Variants in PIK3C2G observed in about 807,000 individuals in gnomAD.
The protein encoded by PIK3C2G is phosphatidylinositol 3-kinase C2 domain-containing subunit gamma.
A neutral mutation model predicts 181.1 loss-of-function variants in PIK3C2G; 168 were observed. The ratio of observed to expected loss-of-function variants is 0.93; its 90% CI spans 0.82 to 1.05. The LOEUF is 1.05. PIK3C2G is among the 50% of genes least tolerant of loss of function. The probability of loss-of-function intolerance (pLI) is 0.00; values close to 1 mark genes in which losing one functional copy is unlikely to be tolerated. For missense variants in PIK3C2G, 1,869 were observed against 1,732.8 expected, an observed-to-expected ratio of 1.08 and a Z score of -1.40; for synonymous variants, 573 against 592.2, an observed-to-expected ratio of 0.97 and a Z score of 0.47.
downstream of PIK3C2G, among the ~76,000 whole-genome samples, chr12:18,650,737 T>G (rs1950469112): frequency 6.2e-5 from 2 of 32,376 alleles, no homozygotes; most frequent in Admixed American, 4.1e-4. Flanking sequence ...TATATATATA[T>G]ATATATATAT....
At chr12:18,632,091 A>G (rs1405368804) in intron 31 of PIK3C2G, among the ~76,000 whole-genome samples, 1 of 152,058 alleles carries the variant, frequency 6.6e-6, no homozygotes, top group Non-Finnish European at 1.5e-5. Flanking sequence ...CACTGTGAAA[A>G]TATCCTATGG....
intron 5 of PIK3C2G, among the ~76,000 whole-genome samples, chr12:18,300,562 C>T (rs1050984502): frequency 2.6e-5 from 4 of 151,978 alleles, no homozygotes; most frequent in African/African-American, 9.7e-5. Context: ...TTTTTAAAAT[C>T]CATTCAACCA....
chr12:18,602,224 T>C (rs1947763956), intron 30 of PIK3C2G, among the ~76,000 whole-genome samples: 1 of 152,084 alleles, frequency 6.6e-6, no homozygotes, highest in African/African-American at 2.4e-5. Flanking sequence ...CCATTCAGTT[T>C]GTGTGGGAGC....
chr12:18,355,124 C>G (rs1390627645), intron 11 of PIK3C2G, among the ~76,000 whole-genome samples: 1 of 152,212 alleles, frequency 6.6e-6, no homozygotes, highest in African/African-American at 2.4e-5. Context: ...AATTGTCCTG[C>G]CCATTTACAT....
At chr12:18,693,217 G>A in the PIK3C2G span, 464 of 1,571,866 alleles carry the variant, frequency 3.0e-4, no homozygotes, top group Non-Finnish European at 3.6e-4. Context: ...CTGGAACCTG[G>A]CTGCTCGGTC....
chr12:18,483,727 T>TCAAACAAA (rs956919701), intron 18 of PIK3C2G, among the ~76,000 whole-genome samples: 1 of 151,392 alleles, frequency 6.6e-6, no homozygotes, highest in Non-Finnish European at 1.5e-5. Flanking sequence ...TAAAGGCAAC[T>TCAAACAAA]CAAACAAACA....
At chr12:18,287,065 T>A in intron 3 of PIK3C2G, 136 bp downstream of exon 3, 1 of 420,872 alleles carries the variant, frequency 2.4e-6, no homozygotes, top group East Asian at 3.6e-5. Flanking sequence ...AAAAATAAAA[T>A]TTTTTGACAA....
At chr12:18,350,611 T>C (rs996216266) in intron 11 of PIK3C2G, among the ~76,000 whole-genome samples, 5 of 152,156 alleles carry the variant, frequency 3.3e-5, no homozygotes, top group African/African-American at 1.2e-4. Flanking sequence ...CTTCCATTCA[T>C]GTCACTAAAG....
intron 31 of PIK3C2G, among the ~76,000 whole-genome samples, chr12:18,623,339 T>A (rs2136678083): frequency 6.6e-6 from 1 of 151,836 alleles, no homozygotes; most frequent in East Asian, 1.9e-4. Context: ...CTCTTGTTGA[T>A]CAATTGACTG....
At chr12:18,723,272 A>C in the PIK3C2G span, 1 of 1,526,942 alleles carries the variant, frequency 6.5e-7, no homozygotes, top group Non-Finnish European at 9.0e-7. Context: ...AATACTTCAC[A>C]TATAAATATT....
chr12:18,662,629 T>C, the PIK3C2G span, among the ~76,000 whole-genome samples: 1 of 152,148 alleles, frequency 6.6e-6, no homozygotes, highest in South Asian at 2.1e-4. Flanking sequence ...ATTTAAGATA[T>C]TAATGCATTA....
rs559922142 is a variant in PIK3C2G at position 18,416,319 on chromosome 12, C to A, written c.2316-4622C>A. On this transcript the variant is annotated intron_variant, in intron 16 of 32. Transcript: ENST00000538779. ...GCCGTATTTGTAACCTAAAGGTGAA[C>A]CAGAAAGTGCTGATGTAGAAGCTGC... is the stretch of plus-strand genomic sequence containing the variant. 2.2e-4 allele frequency among the ~76,000 whole-genome samples: 33 copies of A among 152,202 alleles called. No homozygotes were observed. In the South Asian group the frequency reaches 6.9e-3, roughly 32 times the overall value.
At chr12:18,436,631 T>C (rs1184436985) in intron 18 of PIK3C2G, among the ~76,000 whole-genome samples, 2 of 151,984 alleles carry the variant, frequency 1.3e-5, no homozygotes, top group East Asian at 1.9e-4. Context: ...ACCACATACA[T>C]GTGTATTGCC....
chr12:18,245,895 G>C (rs1948034836), upstream of PIK3C2G, among the ~76,000 whole-genome samples: 1 of 152,016 alleles, frequency 6.6e-6, no homozygotes, highest in South Asian at 2.1e-4. Context: ...GGACTACCTA[G>C]AGCAATGTTA....
the PIK3C2G span, chr12:18,692,937 C>T: frequency 1.3e-6 from 2 of 1,536,094 alleles, no homozygotes; most frequent in Non-Finnish European, 1.8e-6. Context: ...ACTGGTGACA[C>T]CTCACACTCA....
At chr12:18,568,732 A>AGGG (rs1287465030) in intron 29 of PIK3C2G, among the ~76,000 whole-genome samples, 2 of 152,208 alleles carry the variant, frequency 1.3e-5, no homozygotes, top group Non-Finnish European at 2.9e-5. Context: ...GACCAAATAC[A>AGGG]GGGGCACTGT....
At chr12:18,346,934 C>A in intron 11 of PIK3C2G, 98 bp downstream of exon 11, 1 of 709,974 alleles carries the variant, frequency 1.4e-6, no homozygotes, top group Non-Finnish European at 2.1e-6. Context: ...GCAAAGATTT[C>A]ATAAAATTTT....
the PIK3C2G span, among the ~76,000 whole-genome samples, chr12:18,653,655 G>C: frequency 5.9e-5 from 9 of 152,098 alleles, no homozygotes; most frequent in African/African-American, 1.4e-4. Flanking sequence ...ACGAATTCAA[G>C]TGGTATGTTT....
chr12:18,307,524 T>C (rs926302944), intron 5 of PIK3C2G, among the ~76,000 whole-genome samples: 5 of 151,912 alleles, frequency 3.3e-5, no homozygotes, highest in African/African-American at 1.2e-4. Flanking sequence ...CAACCTTAAA[T>C]GGATAATTCC....
Sources: gnomAD v4.1 joint callset for allele counts (sites outside exome capture counted in the v4.1 genomes callset) on GRCh38, gnomAD v4.1.1 for gene constraint, MANE v1.5 for transcripts, NCBI Gene and HGNC (gene_info 2026-07-23, HGNC 2026-07-21) for gene names.